TOGARAM1: variants seen among roughly 807,000 people sequenced by gnomAD.
The protein encoded by TOGARAM1 is TOG array regulator of axonemal microtubules protein 1.
In TOGARAM1, 100 loss-of-function variants were observed where a neutral mutation model predicts 166.6. That is an observed-to-expected ratio of 0.60 (90% CI 0.51 to 0.71). The LOEUF is 0.71. Ranked by LOEUF, TOGARAM1 falls within the 30% of genes least tolerant of loss-of-function variation. The pLI is 0.00. For synonymous variants in TOGARAM1, 758 were observed against 763.8 expected, an observed-to-expected ratio of 0.99 and a Z score of 0.13; for missense variants, 2,029 against 2,102.7, an observed-to-expected ratio of 0.96 and a Z score of 0.69.
chr14:45,031,226 C>T (rs1193371988), intron 10 of TOGARAM1, among the ~76,000 whole-genome samples: 1 of 152,064 alleles, frequency 6.6e-6, no homozygotes, highest in East Asian at 1.9e-4. Flanking sequence ...GAAAAATAGC[C>T]AGTAAATCTT....
chr14:45,051,839 C>T (rs901522913), intron 14 of TOGARAM1, among the ~76,000 whole-genome samples: 4 of 152,034 alleles, frequency 2.6e-5, no homozygotes, highest in East Asian at 1.9e-4. Flanking sequence ...GGATTACAGG[C>T]GTGAGCCACT....
chr14:45,001,155 G>A (rs1449360180), intron 3 of TOGARAM1, among the ~76,000 whole-genome samples: 3 of 151,952 alleles, frequency 2.0e-5, no homozygotes, highest in African/African-American at 7.3e-5. Context: ...GTTATTTTTT[G>A]TCTTTTTGAT....
rs1317512323 is a variant in TOGARAM1 at position 45,054,412 on chromosome 14, A to AT, written c.4441-15dup. 2 of 1,483,916 alleles carry AT rather than the reference A, an allele frequency of 1.3e-6. No homozygotes were observed. 91.9% of individuals were successfully genotyped at this position (1,483,916 alleles called of 1,614,324 possible). A position where few individuals can be genotyped will look rare whatever the true frequency, so the allele number is the denominator to read the frequency against. On this transcript the variant is annotated intron_variant, in intron 15 of 19. Coordinates refer to ENST00000361462, the MANE Select transcript of TOGARAM1 (RefSeq NM_001308120.2). ...TAGTTTTAAAATTTGTATTATACTA[A>AT]TTTTATATTTACTTGCAGGGTTTGG...
At chr14:45,008,487 T>G (rs1019741651) in intron 5 of TOGARAM1, among the ~76,000 whole-genome samples, 3 of 152,172 alleles carry the variant, frequency 2.0e-5, no homozygotes, top group African/African-American at 7.2e-5. Flanking sequence ...AAACATCAAA[T>G]TTTTGAAAAC....
At chr14:45,056,471 T>C (rs556559038) in intron 16 of TOGARAM1, among the ~76,000 whole-genome samples, 1 of 152,360 alleles carries the variant, frequency 6.6e-6, no homozygotes, top group East Asian at 1.9e-4. Context: ...TTTCAGCTTT[T>C]TCCTATTTAG....
At position 45,059,983 on chromosome 14, in the gene TOGARAM1, G is replaced by T. The variant is rs192908410; in HGVS notation, c.4559+5434G>T. Among the ~76,000 whole-genome samples the T allele has an allele frequency of 2.7e-3, 401 of 150,748 alleles. 1 individual carries two copies. Among genetic ancestry groups the T allele is most frequent in the African/African-American group, 9.3e-3 (380 of 41,032 alleles). ...GCTGGAGTGCAGTGGCGTGATCTCG[G>T]CTCACTGCAAGCTCCGTCTCCCAGG... On this transcript the variant is annotated intron_variant, in intron 16 of 19. Coordinates refer to ENST00000361462, the MANE Select transcript of TOGARAM1 (RefSeq NM_001308120.2).
At chr14:44,975,734 T>C (rs1220465095) in intron 1 of TOGARAM1, among the ~76,000 whole-genome samples, 2 of 151,464 alleles carry the variant, frequency 1.3e-5, no homozygotes, top group Admixed American at 1.3e-4. Context: ...CCCAAAGTGC[T>C]GGGATTACAG....
chr14:44,983,547 G>T (rs1334853301), intron 1 of TOGARAM1, among the ~76,000 whole-genome samples: 1 of 152,160 alleles, frequency 6.6e-6, no homozygotes, highest in East Asian at 1.9e-4. Context: ...GAACCACTTT[G>T]TGAGAACAAG....
At chr14:45,013,127 A>C (rs1879912146) in intron 7 of TOGARAM1, among the ~76,000 whole-genome samples, 1 of 152,092 alleles carries the variant, frequency 6.6e-6, no homozygotes, top group Non-Finnish European at 1.5e-5. Context: ...CATCAGTACC[A>C]TTTCCTATCT....
intron 7 of TOGARAM1, among the ~76,000 whole-genome samples, chr14:45,022,061 G>A (rs753823772): frequency 6.6e-6 from 1 of 152,018 alleles, no homozygotes; most frequent in East Asian, 1.9e-4. Context: ...TGAGTGTTTC[G>A]TTCATTTTCT....
intron 14 of TOGARAM1, 48 bp downstream of exon 14, chr14:45,046,751 A>C: frequency 8.1e-7 from 1 of 1,228,282 alleles, no homozygotes; most frequent in Non-Finnish European, 1.0e-6. Context: ...TAAGGGCTTA[A>C]AAGTAGGAAA....
intron 15 of TOGARAM1, among the ~76,000 whole-genome samples, chr14:45,053,091 T>A (rs1882456268): frequency 6.8e-6 from 1 of 146,312 alleles, no homozygotes; most frequent in Non-Finnish European, 1.5e-5. Flanking sequence ...TAGGCTAGAG[T>A]GCAGTGGTGT....
intron 7 of TOGARAM1, 92 bp from the exon 8 acceptor site, chr14:45,025,691 C>T: frequency 1.6e-6 from 1 of 638,494 alleles, no homozygotes; most frequent in East Asian, 2.9e-5. Flanking sequence ...AATAAATTTT[C>T]AGTTTTAAAA....
chr14:44,977,560 A>G (rs889668735), intron 1 of TOGARAM1, among the ~76,000 whole-genome samples: 1 of 151,946 alleles, frequency 6.6e-6, no homozygotes, highest in African/African-American at 2.4e-5. Context: ...AAATAGAAAA[A>G]TTCATAGCTC....
rs1883458776 is a variant in TOGARAM1, at chr14:45,073,240, G to A, written c.5057-56G>A. The stretch of plus-strand genomic sequence containing the variant: ...TATTTTAGTTGCTTTTTATTTAGCA[G>A]AGCTTGGGCTTATTTATTAAGAAAA... On this transcript the variant is annotated intron_variant, in intron 19 of 19. Transcript: ENST00000361462. 1.9e-5 allele frequency: 29 copies of A among 1,501,018 alleles called. No homozygotes were observed. The South Asian group carries it at 3.7e-4, about 19-fold the overall frequency. The allele number at this position is 1,501,018 out of a possible 1,614,324, so 93.0% of individuals were successfully genotyped here.
chr14:45,016,748 T>G (rs1817031974), intron 7 of TOGARAM1, among the ~76,000 whole-genome samples: 1 of 152,098 alleles, frequency 6.6e-6, no homozygotes, highest in Admixed American at 6.6e-5. Flanking sequence ...TAGCATATAA[T>G]AAATGTTCTT....
At chr14:44,974,698 G>A (rs1886084888) in intron 1 of TOGARAM1, among the ~76,000 whole-genome samples, 1 of 152,004 alleles carries the variant, frequency 6.6e-6, no homozygotes, top group South Asian at 2.1e-4. Flanking sequence ...GTAATTTTAT[G>A]GTTGGCATAA....
At position 44,997,587 on chromosome 14, in the gene TOGARAM1, A is replaced by G. The variant is rs1887483440; in HGVS notation, c.2203+1685A>G. On this transcript the variant is annotated intron_variant, in intron 2 of 19. Coordinates refer to ENST00000361462, the MANE Select transcript of TOGARAM1 (RefSeq NM_001308120.2). ...ACTAAGTGTTACAAAAGTAAATATT[A>G]CGGTACTTTAGAGGAAATGGTCATT... 2.0e-5 allele frequency among the ~76,000 whole-genome samples: 3 copies of G among 152,234 alleles called. No homozygotes were observed. In the South Asian group the frequency reaches 6.2e-4, roughly 32 times the overall value.
rs368444580 is a variant in TOGARAM1, at chr14:45,066,621, C to G, written c.4603C>G (p.Arg1535Gly). The change falls in exon 17 of 20, where the codon CGT (arginine) becomes GGT (glycine). Residue 1535 changes from arginine (R) to glycine (G), a missense_variant. Transcript: ENST00000361462. ...VREVTRKSVP[R>G]NSLESAEYLK... ...TGAAGTCACCAGAAAATCAGTCCCT[C>G]GTAATTCCTTAGAAAGTGCTGAGTA... 1 of 1,612,274 alleles carries G rather than the reference C, an allele frequency of 6.2e-7. No individual in the cohort carries two copies. The highest frequency in any genetic ancestry group is 1.7e-5 in the Admixed American group (1 of 59,984).
Sources: allele counts gnomAD v4.1 joint callset (sites outside exome capture counted in the v4.1 genomes callset), GRCh38; gene constraint gnomAD v4.1.1; transcripts MANE v1.5; gene names NCBI Gene and HGNC (gene_info 2026-07-23, HGNC 2026-07-21).